The following MSMO1 variants were observed in gnomAD, a reference collection of about 807,000 sequenced individuals.
The protein encoded by MSMO1 is C-4 methylsterol oxidase.
In MSMO1, 18 loss-of-function variants were observed where a neutral mutation model predicts 30.4. That is an observed-to-expected ratio of 0.59 (90% CI 0.41 to 0.88). The LOEUF (loss-of-function observed/expected upper bound fraction) is 0.88, where lower values mean the gene tolerates loss of function less well. Among genes scored for constraint, MSMO1 ranks in the 40% least tolerant of loss-of-function variants. The pLI is 0.00. For synonymous variants in MSMO1, 84 were observed against 107.9 expected (o/e 0.78, Z 1.37); for missense variants, 284 against 340.5 (o/e 0.83, Z 1.31).
intron 1 of MSMO1, among the ~76,000 whole-genome samples, chr4:165,331,513 ACACTATAGT>A (rs930263777): frequency 1.0e-5 from 1 of 96,090 alleles, no homozygotes; most frequent in Non-Finnish European, 3.0e-5. Flanking sequence ...ACAGGATGGA[ACACTATAGT>A]CACTGTGGTG....
chr4:165,329,791 C>G (rs999857326), intron 1 of MSMO1, among the ~76,000 whole-genome samples: 1 of 152,002 alleles, frequency 6.6e-6, no homozygotes. Context: ...TACGCCACCA[C>G]ACCCGGCTAA....
At position 165,340,254 on chromosome 4, in the gene MSMO1, C is replaced by A. The variant is rs1373824889; in HGVS notation, c.565C>A (p.Pro189Thr). 33 of 1,613,884 alleles carry A rather than the reference C, an allele frequency of 2.0e-5. No homozygotes were observed. Among genetic ancestry groups the A allele is most frequent in the Non-Finnish European group, 2.8e-5 (33 of 1,179,928 alleles). Reference protein sequence around the residue: ...PFGMEAEYAHPLETLILGTGF... With the variant: ...PFGMEAEYAHTLETLILGTGF... The stretch of plus-strand genomic sequence containing the variant: ...TGGAATGGAAGCTGAATATGCACAT[C>A]CTTTGGAGACTCTAATTCTTGGAAC... Residue 189 changes from proline to threonine, a missense_variant, in exon 5 of 6, where the codon CCT becomes ACT. Pro to Thr is a conservative substitution (Grantham distance 38, BLOSUM62 -1). Coordinates refer to ENST00000261507, the MANE Select transcript of MSMO1 (RefSeq NM_006745.5).
chr4:165,341,711 T>C (rs994528396), intron 5 of MSMO1, 40 bp from the exon 6 acceptor site: 5 of 1,503,460 alleles, frequency 3.3e-6, no homozygotes, highest in Middle Eastern at 1.9e-4. Flanking sequence ...TCATTTGAGA[T>C]GTATTTATTC....
intron 2 of MSMO1, 136 bp from the exon 3 acceptor site, chr4:165,337,653 G>T: frequency 1.2e-6 from 1 of 832,898 alleles, no homozygotes; most frequent in Non-Finnish European, 1.9e-6. Flanking sequence ...AGAAGGCAAA[G>T]ATTCCTGAGT....
intron 2 of MSMO1, among the ~76,000 whole-genome samples, chr4:165,337,263 A>C (rs1327151512): frequency 6.6e-6 from 1 of 152,198 alleles, no homozygotes; most frequent in Non-Finnish European, 1.5e-5. Context: ...TGAATCTGTG[A>C]ACTCCATAAT....
At chr4:165,330,632 A>G (rs1004352839) in intron 1 of MSMO1, among the ~76,000 whole-genome samples, 1 of 152,238 alleles carries the variant, frequency 6.6e-6, no homozygotes, top group Non-Finnish European at 1.5e-5. Context: ...AAGATGATTG[A>G]AGACATTTTG....
At chr4:165,338,038 C>T (rs1747607686) in intron 3 of MSMO1, 101 bp downstream of exon 3, 1 of 1,133,880 alleles carries the variant, frequency 8.8e-7, no homozygotes, top group African/African-American at 1.6e-5. Context: ...AATGTTTGTT[C>T]TAAACTTTGG....
Position 165,338,794 on chromosome 4 carries a change from A to G in MSMO1, c.531+16A>G. On this transcript the variant is annotated intron_variant, in intron 4 of 5. Coordinates refer to ENST00000261507, the MANE Select transcript of MSMO1 (RefSeq NM_006745.5). ...TGAGTTTCAGGTATGTGAGAGTTAT[A>G]TTTAATTCTTTCTGTTAGAGGCAAA... 1 of 1,569,586 alleles carries G rather than the reference A, an allele frequency of 6.4e-7. No individual in the cohort carries two copies. Among genetic ancestry groups the G allele is most frequent in the Non-Finnish European group, 8.7e-7 (1 of 1,142,950 alleles).
intron 1 of MSMO1, among the ~76,000 whole-genome samples, chr4:165,329,625 ATTTTTTTTTT>A (rs1171733863): frequency 1.8e-4 from 12 of 67,992 alleles, no homozygotes; most frequent in South Asian, 4.7e-4. Context: ...ATCCATAGCG[ATTTTTTTTTT>A]TTTTTTTTTT....
Position 165,332,561 on chromosome 4 carries a change from CAATGATA to C in MSMO1, c.-31-778_-31-772del, listed in dbSNP as rs1747427676. Among the ~76,000 whole-genome samples the C allele has an allele frequency of 8.5e-5, 13 of 152,244 alleles. 2 individuals carry two copies. Among genetic ancestry groups the C allele is most frequent in the Admixed American group, 3.9e-4 (6 of 15,294 alleles). Reference sequence around the variant, plus strand: ...AATTAGGTGTTGCTAATTTTTCCTCCAATGATACACTGATGTATCCCCCCTGCCCACA... The same window carrying C: ...AATTAGGTGTTGCTAATTTTTCCTCCCACTGATGTATCCCCCCTGCCCACA... On this transcript the variant is annotated intron_variant, in intron 1 of 5. Coordinates refer to ENST00000261507, the MANE Select transcript of MSMO1 (RefSeq NM_006745.5).
At position 165,329,757 on chromosome 4, in the gene MSMO1, C is replaced by T. The variant is rs184366938; in HGVS notation, c.-32+1993C>T. 2.3e-3 allele frequency among the ~76,000 whole-genome samples: 345 copies of T among 151,466 alleles called. 5 individuals are homozygous for T. Among genetic ancestry groups the T allele is most frequent in the African/African-American group, 7.8e-3 (322 of 41,224 alleles). On this transcript the variant is annotated intron_variant, in intron 1 of 5. Transcript: ENST00000261507. ...TCAAGCAATTCTCCTGCCTCAGCCT[C>T]CCCAGTAGGTGGAATTACAGGCATA...
Position 165,342,067 on chromosome 4 carries a change from C to A in MSMO1, c.*121C>A. ...TCTGGCTACTAAGTGATAAAAAGAACATTAACAACCTTTAATTACCTTCCT... is the reference window on the plus strand; with the variant it reads ...TCTGGCTACTAAGTGATAAAAAGAAAATTAACAACCTTTAATTACCTTCCT... On this transcript the variant is annotated 3_prime_UTR_variant, in exon 6 of 6. Transcript: ENST00000261507. The A allele has an allele frequency of 1.2e-6, 1 of 835,540 alleles. No individual in the cohort carries two copies. Among genetic ancestry groups the A allele is most frequent in the Non-Finnish European group, 1.9e-6 (1 of 522,924 alleles). The allele number at this position is 835,540 out of a possible 1,614,324, so 51.8% of individuals were successfully genotyped here.
intron 1 of MSMO1, among the ~76,000 whole-genome samples, chr4:165,328,797 T>A (rs1226785137): frequency 2.0e-5 from 3 of 152,192 alleles, no homozygotes; most frequent in Non-Finnish European, 4.4e-5. Context: ...AAAAGTAAAT[T>A]CCTGAATGTT....
intron 1 of MSMO1, among the ~76,000 whole-genome samples, chr4:165,330,424 A>G (rs1481053282): frequency 6.6e-6 from 1 of 152,328 alleles, no homozygotes; most frequent in Admixed American, 6.5e-5. Context: ...AGCGCTTTAT[A>G]TGCATTGTCT....
At chr4:165,339,124 GA>G (rs1228086501) in intron 4 of MSMO1, among the ~76,000 whole-genome samples, 1 of 23,260 alleles carries the variant, frequency 4.3e-5, no homozygotes, top group Non-Finnish European at 8.7e-5. Context: ...TTTTTTTTGA[GA>G]TAGAGTTTTG....
At chr4:165,328,532 A>T (rs1560845111) in intron 1 of MSMO1, among the ~76,000 whole-genome samples, 1 of 152,202 alleles carries the variant, frequency 6.6e-6, no homozygotes, top group Non-Finnish European at 1.5e-5. Context: ...CCAGAAAATG[A>T]AGGAGCTGGT....
chr4:165,332,013 C>G (rs1056789536), intron 1 of MSMO1, among the ~76,000 whole-genome samples: 1 of 151,300 alleles, frequency 6.6e-6, no homozygotes, highest in African/African-American at 2.4e-5. Flanking sequence ...ACCACACTGT[C>G]TCCTACCCCG....
chr4:165,333,170 G>A (rs1747445985), intron 1 of MSMO1, among the ~76,000 whole-genome samples, 170 bp from the exon 2 acceptor site: 2 of 152,102 alleles, frequency 1.3e-5, no homozygotes. Flanking sequence ...TCCAGCAAAT[G>A]TTTTAAAATG....
chr4:165,336,483 A>T (rs1261760579), intron 2 of MSMO1, among the ~76,000 whole-genome samples: 2 of 152,200 alleles, frequency 1.3e-5, no homozygotes, highest in African/African-American at 4.8e-5. Flanking sequence ...ATTTTATTAT[A>T]GTTGATTAAC....
Sources: gnomAD v4.1 joint callset for allele counts (sites outside exome capture counted in the v4.1 genomes callset) on GRCh38, gnomAD v4.1.1 for gene constraint, MANE v1.5 for transcripts, NCBI Gene and HGNC (gene_info 2026-07-23, HGNC 2026-07-21) for gene names.